The following PICALM variants were observed in gnomAD, a reference collection of about 807,000 sequenced individuals.
PICALM encodes the protein phosphatidylinositol binding clathrin assembly protein.
A neutral mutation model predicts 80.5 loss-of-function variants in PICALM; 40 were observed. The observed-to-expected ratio is 0.50, with a 90% CI of 0.39 to 0.65. The LOEUF (loss-of-function observed/expected upper bound fraction) is 0.65, where lower values mean the gene tolerates loss of function less well. Ranked by LOEUF, PICALM falls within the 30% of genes least tolerant of loss-of-function variation. PICALM has a pLI of 0.00. For missense variants in PICALM, 676 were observed against 778.9 expected, an observed-to-expected ratio of 0.87 and a Z score of 1.57; for synonymous variants, 288 against 260.3, an observed-to-expected ratio of 1.11 and a Z score of -1.02.
intron 1 of PICALM, 71 bp downstream of exon 1, chr11:86,068,580 G>C (rs986553048): frequency 1.7e-6 from 2 of 1,199,124 alleles, no homozygotes; most frequent in Non-Finnish European, 2.3e-6. Flanking sequence ...TGAAAGACAA[G>C]AGAGAGAGAG....
At chr11:85,962,776 T>A (rs936660839) in intron 19 of PICALM, among the ~76,000 whole-genome samples, 1 of 152,160 alleles carries the variant, frequency 6.6e-6, no homozygotes, top group Non-Finnish European at 1.5e-5. Flanking sequence ...TTTCTTATCA[T>A]CAATATCTGT....
At chr11:86,041,764 G>A (rs1048699657) in intron 1 of PICALM, among the ~76,000 whole-genome samples, 1 of 152,074 alleles carries the variant, frequency 6.6e-6, no homozygotes, top group African/African-American at 2.4e-5. Flanking sequence ...ACATTTTTCA[G>A]ATCAGTCTAA....
intron 13 of PICALM, among the ~76,000 whole-genome samples, chr11:85,987,098 T>C (rs2094595700): frequency 6.6e-6 from 1 of 152,238 alleles, no homozygotes; most frequent in African/African-American, 2.4e-5. Context: ...AGTTTCACAA[T>C]AAATTAGGAC....
At chr11:86,009,592 T>A (rs2095355616) in intron 7 of PICALM, among the ~76,000 whole-genome samples, 1 of 152,110 alleles carries the variant, frequency 6.6e-6, no homozygotes, top group Admixed American at 6.5e-5. Flanking sequence ...CTCGGGAGGC[T>A]GAGACAGCAG....
chr11:86,039,445 C>T (rs908368656), intron 1 of PICALM, among the ~76,000 whole-genome samples: 1 of 152,042 alleles, frequency 6.6e-6, no homozygotes, highest in African/African-American at 2.4e-5. Context: ...GCAATCCTCC[C>T]CCCACCAGAA....
intron 13 of PICALM, among the ~76,000 whole-genome samples, chr11:85,985,931 T>C (rs538898934): frequency 1.1e-4 from 17 of 152,332 alleles, no homozygotes; most frequent in African/African-American, 3.8e-4. Flanking sequence ...GAGATAAGCC[T>C]ATCCTTTATA....
chr11:85,998,994 C>T (rs1323125609), intron 11 of PICALM, among the ~76,000 whole-genome samples: 1 of 152,166 alleles, frequency 6.6e-6, no homozygotes, highest in Non-Finnish European at 1.5e-5. Flanking sequence ...AATAATTGTA[C>T]ATATTTATGG....
At chr11:86,013,526 A>G (rs950347890) in intron 5 of PICALM, among the ~76,000 whole-genome samples, 1 of 152,156 alleles carries the variant, frequency 6.6e-6, no homozygotes, top group African/African-American at 2.4e-5. Flanking sequence ...CAAGAGACAG[A>G]GAGAGGAGAG....
At chr11:86,013,622 A>G (rs1307097067) in intron 5 of PICALM, among the ~76,000 whole-genome samples, 1 of 152,216 alleles carries the variant, frequency 6.6e-6, no homozygotes, top group Non-Finnish European at 1.5e-5. Context: ...ATTATATAAC[A>G]AAGTACAATA....
intron 1 of PICALM, among the ~76,000 whole-genome samples, chr11:86,048,101 CA>C (rs36100084): frequency 2.7e-5 from 4 of 146,676 alleles, no homozygotes; most frequent in South Asian, 2.2e-4. Context: ...AACTCCGTCT[CA>C]AAAAAAAAAG....
chr11:85,999,425 G>A (rs1362444793), intron 11 of PICALM, among the ~76,000 whole-genome samples: 1 of 152,188 alleles, frequency 6.6e-6, no homozygotes, highest in East Asian at 1.9e-4. Flanking sequence ...TTTCAGCCTC[G>A]AACAATGAAC....
At chr11:86,055,888 C>T (rs2096261431) in intron 1 of PICALM, among the ~76,000 whole-genome samples, 1 of 151,942 alleles carries the variant, frequency 6.6e-6, no homozygotes, top group Admixed American at 6.6e-5. Flanking sequence ...ATAATCCCAG[C>T]ATTTTGGGAG....
At chr11:86,062,756 C>G (rs2096388004) in intron 1 of PICALM, among the ~76,000 whole-genome samples, 1 of 152,106 alleles carries the variant, frequency 6.6e-6, no homozygotes, top group African/African-American at 2.4e-5. Flanking sequence ...TATCTAACTG[C>G]CCAAAATGAT....
intron 1 of PICALM, among the ~76,000 whole-genome samples, chr11:86,042,553 T>G (rs928278787): frequency 6.6e-6 from 1 of 151,682 alleles, no homozygotes; most frequent in Non-Finnish European, 1.5e-5. Context: ...ACATATTAAG[T>G]ATCAAGTAAT....
intron 11 of PICALM, among the ~76,000 whole-genome samples, chr11:85,999,240 T>C (rs1285747586): frequency 2.0e-5 from 3 of 152,236 alleles, no homozygotes; most frequent in South Asian, 4.1e-4. Flanking sequence ...AGATGTACAA[T>C]AGTTGTGTAG....
At chr11:86,047,866 G>A (rs1357448235) in intron 1 of PICALM, among the ~76,000 whole-genome samples, 2 of 152,152 alleles carry the variant, frequency 1.3e-5, no homozygotes, top group Non-Finnish European at 2.9e-5. Flanking sequence ...TTGGGAGGCT[G>A]AGGCGGGCAG....
chr11:86,042,273 T>C (rs1183168305), intron 1 of PICALM, among the ~76,000 whole-genome samples: 3 of 152,034 alleles, frequency 2.0e-5, no homozygotes, highest in South Asian at 4.1e-4. Flanking sequence ...ATGAGGAAAA[T>C]CATATTTTGG....
At chr11:86,010,758 C>T (rs1242284229) in intron 7 of PICALM, among the ~76,000 whole-genome samples, 1 of 152,184 alleles carries the variant, frequency 6.6e-6, no homozygotes, top group African/African-American at 2.4e-5. Flanking sequence ...ATCTCTGGCA[C>T]TACTGTATGT....
At chr11:85,974,185 A>G (rs2094199176) in intron 19 of PICALM, among the ~76,000 whole-genome samples, 1 of 152,244 alleles carries the variant, frequency 6.6e-6, no homozygotes, top group African/African-American at 2.4e-5. Context: ...ATCTAAGTTT[A>G]GCATGACATT....
Sources: gnomAD v4.1 joint callset for allele counts (sites outside exome capture counted in the v4.1 genomes callset) on GRCh38, gnomAD v4.1.1 for gene constraint, MANE v1.5 for transcripts, NCBI Gene and HGNC (gene_info 2026-07-23, HGNC 2026-07-21) for gene names.